Variants in CFAP99 observed in about 807,000 individuals in gnomAD.
The protein encoded by CFAP99 is cilia- and flagella-associated protein 99.
In CFAP99, 84 loss-of-function variants were observed where a neutral mutation model predicts 82.7. The ratio of observed to expected loss-of-function variants is 1.02; its 90% CI spans 0.85 to 1.22. CFAP99 has a LOEUF of 1.22. Among genes scored for constraint, CFAP99 ranks in the 50% most tolerant of loss-of-function variants. The pLI is 0.00. For missense variants in CFAP99, 1,059 were observed against 983.5 expected (o/e 1.08, Z -1.03); for synonymous variants, 456 against 429.5 (o/e 1.06, Z -0.76).
At chr4:2,456,814 C>T (rs982928088) in intron 11 of CFAP99, among the ~76,000 whole-genome samples, 3 of 152,102 alleles carry the variant, frequency 2.0e-5, no homozygotes, top group Non-Finnish European at 2.9e-5. Flanking sequence ...CCACCGCGCC[C>T]GGCCAATAAC....
intron 2 of CFAP99, among the ~76,000 whole-genome samples, chr4:2,435,028 G>A (rs192323952): frequency 3.3e-5 from 5 of 152,184 alleles, no homozygotes; most frequent in Non-Finnish European, 7.4e-5. Flanking sequence ...GGGTGGGGTG[G>A]CTCACACCTG....
chr4:2,440,999 A>G (rs1734023847), intron 4 of CFAP99, among the ~76,000 whole-genome samples: 2 of 152,014 alleles, frequency 1.3e-5, no homozygotes, highest in East Asian at 1.9e-4. Context: ...TTGAGGCTGC[A>G]GTGAGCCATG....
intron 5 of CFAP99, among the ~76,000 whole-genome samples, chr4:2,444,077 G>T (rs976585050): frequency 2.0e-5 from 3 of 152,172 alleles, no homozygotes; most frequent in African/African-American, 7.2e-5. Context: ...CCTGTGGGGA[G>T]AGGAGGCCCT....
At chr4:2,443,836 G>C (rs1342903207) in intron 5 of CFAP99, among the ~76,000 whole-genome samples, 1 of 152,228 alleles carries the variant, frequency 6.6e-6, no homozygotes, top group Non-Finnish European at 1.5e-5. Flanking sequence ...AGAACCCCCA[G>C]GCAGAGGGGT....
intron 9 of CFAP99, 70 bp downstream of exon 9, chr4:2,451,088 T>C: frequency 6.7e-7 from 1 of 1,482,476 alleles, no homozygotes; most frequent in Non-Finnish European, 9.1e-7. Context: ...TTTCTGCCCG[T>C]AGAGGCTCAG....
intron 8 of CFAP99, chr4:2,450,206 C>T (rs994315476): frequency 3.7e-5 from 22 of 601,276 alleles, no homozygotes; most frequent in South Asian, 2.5e-4. Flanking sequence ...GGTGTAGACG[C>T]GCACCCACAT....
chr4:2,444,588 G>A (rs972834066), intron 5 of CFAP99, among the ~76,000 whole-genome samples: 3 of 152,164 alleles, frequency 2.0e-5, no homozygotes, highest in Non-Finnish European at 4.4e-5. Flanking sequence ...ACACTCGGGC[G>A]GCCTGGCAAG....
chr4:2,449,581 C>T (rs1007636691), intron 6 of CFAP99, 89 bp from the exon 7 acceptor site: 1 of 1,200,840 alleles, frequency 8.3e-7, no homozygotes, highest in Non-Finnish European at 1.2e-6. Flanking sequence ...CCTTCACCCA[C>T]ATCCACCAAG....
In CFAP99 at chr4:2,453,007, G is replaced by A. The variant is rs139184609; in HGVS notation, c.1161+661G>A. 7.6e-3 allele frequency among the ~76,000 whole-genome samples: 1,154 copies of A among 152,304 alleles called. 15 individuals are homozygous for A. Among genetic ancestry groups the A allele is most frequent in the African/African-American group, 0.027 (1,115 of 41,550 alleles). ...GAGCCTGGAAGGTCAAGGTTGCAGT[G>A]AGCCGTGATCATGCCACTGCACTCC... is the stretch of plus-strand genomic sequence containing the variant. On this transcript the variant is annotated intron_variant, in intron 11 of 14. Coordinates refer to ENST00000635017, the Ensembl canonical transcript of CFAP99.
chr4:2,419,456 G>A (rs1398016503), intron 1 of CFAP99, among the ~76,000 whole-genome samples: 2 of 152,266 alleles, frequency 1.3e-5, no homozygotes, highest in South Asian at 2.1e-4. Context: ...CGAGGCCGGC[G>A]TGCCCTGGCT....
Position 2,419,270 on chromosome 4 carries a change from C to T in CFAP99, c.-18+177C>T, listed in dbSNP as rs564213646. 9.2e-5 allele frequency among the ~76,000 whole-genome samples: 14 copies of T among 151,816 alleles called. No individual in the cohort carries two copies. The East Asian group carries it at 2.7e-3, about 29-fold the overall frequency. On this transcript the variant is annotated intron_variant, in intron 1 of 14. Coordinates refer to ENST00000635017, the Ensembl canonical transcript of CFAP99. ...TTTTTTTTTAAATCACCACTATCAG[C>T]GGTGCGTTCTAAAAAGATACTCTTC...
chr4:2,459,894 G>A, intron 13 of CFAP99, 143 bp from the exon 14 acceptor site: 1 of 719,978 alleles, frequency 1.4e-6, no homozygotes, highest in Admixed American at 2.2e-5. Context: ...GGCTGGAGAG[G>A]CTGGGGGCAT....
intron 14 of CFAP99, among the ~76,000 whole-genome samples, chr4:2,461,283 C>G (rs1734614909): frequency 6.6e-6 from 1 of 152,090 alleles, no homozygotes; most frequent in African/African-American, 2.4e-5. Flanking sequence ...CCAGGGAGGC[C>G]CAGCTGTTGT....
chr4:2,427,139 G>A (rs1368858542), intron 2 of CFAP99: 1 of 155,696 alleles, frequency 6.4e-6, no homozygotes, highest in African/African-American at 2.4e-5. Context: ...CCTGGAAGAA[G>A]TCACAGGCCC....
At chr4:2,436,785 A>C (rs1578469407) in intron 2 of CFAP99, 89 bp from the exon 3 acceptor site, 5 of 1,086,416 alleles carry the variant, frequency 4.6e-6, no homozygotes, top group Admixed American at 2.1e-5. Context: ...GGGCCGCTCC[A>C]CCCCTGCCTT....
chr4:2,450,235 C>T (rs1467501953), intron 8 of CFAP99: 17 of 569,500 alleles, frequency 3.0e-5, no homozygotes, highest in East Asian at 2.3e-4. Context: ...AGGAAGCTCA[C>T]GGGAAAGCAC....
At chr4:2,437,632 G>C (rs954363410) in intron 3 of CFAP99, among the ~76,000 whole-genome samples, 10 of 152,176 alleles carry the variant, frequency 6.6e-5, no homozygotes, top group Admixed American at 6.5e-4. Flanking sequence ...CTCCTGTCCC[G>C]ACCCCTTGCC....
At chr4:2,438,542 G>A (rs1308701) in intron 4 of CFAP99, among the ~76,000 whole-genome samples, 25,160 of 152,094 alleles carry the variant, frequency 0.17, 2,247 homozygotes, top group East Asian at 0.34. Flanking sequence ...GGTTACAGGC[G>A]TGAGCCACCA....
intron 14 of CFAP99, among the ~76,000 whole-genome samples, chr4:2,461,169 G>GT (rs1372066178): frequency 6.6e-6 from 1 of 152,182 alleles, no homozygotes; most frequent in Non-Finnish European, 1.5e-5. Context: ...GTCTGGTGAT[G>GT]TTTTTTAGCC....
Sources: gnomAD v4.1 joint callset for allele counts (sites outside exome capture counted in the v4.1 genomes callset) on GRCh38, gnomAD v4.1.1 for gene constraint, MANE v1.5 for transcripts, NCBI Gene and HGNC (gene_info 2026-07-23, HGNC 2026-07-21) for gene names.